Variants in THRB observed in about 807,000 individuals in gnomAD.
THRB encodes the protein thyroid hormone receptor beta, also known as nuclear receptor subfamily 1 group A member 2.
A neutral mutation model predicts 47.8 loss-of-function variants in THRB; 12 were observed. The observed-to-expected ratio is 0.25, with a 90% CI of 0.16 to 0.41. The LOEUF is 0.41. Among genes scored for constraint, THRB ranks in the 10% least tolerant of loss-of-function variants. The probability of loss-of-function intolerance (pLI) is 1.00; values close to 1 mark genes in which losing one functional copy is unlikely to be tolerated. For missense variants in THRB, 348 were observed against 589.2 expected (o/e 0.59, Z 4.24); for synonymous variants, 218 against 212.2 (o/e 1.03, Z -0.24).
chr3:24,207,344 C>T (rs184433055), intron 4 of THRB, among the ~76,000 whole-genome samples: 26 of 152,210 alleles, frequency 1.7e-4, no homozygotes, highest in Middle Eastern at 3.4e-3. Context: ...GTTCAACTTA[C>T]GCAAATCAAT....
At chr3:24,385,355 C>T (rs1404208685) in intron 1 of THRB, among the ~76,000 whole-genome samples, 3 of 151,844 alleles carry the variant, frequency 2.0e-5, no homozygotes, top group Admixed American at 1.3e-4. Flanking sequence ...TAAAGGAGCA[C>T]CAAAATTATT....
chr3:24,451,508 T>C (rs537072825), intron 1 of THRB, among the ~76,000 whole-genome samples: 1 of 152,198 alleles, frequency 6.6e-6, no homozygotes, highest in Non-Finnish European at 1.5e-5. Flanking sequence ...GTTCTGGGAT[T>C]ACAGGCGTGA....
chr3:24,171,126 T>A (rs1461388564), intron 5 of THRB, among the ~76,000 whole-genome samples: 1 of 152,196 alleles, frequency 6.6e-6, no homozygotes, highest in African/African-American at 2.4e-5. Context: ...AAGTAACTAC[T>A]CAAATTGAGG....
intron 1 of THRB, among the ~76,000 whole-genome samples, chr3:24,470,509 A>G (rs1205313795): frequency 1.3e-5 from 2 of 152,234 alleles, no homozygotes; most frequent in Admixed American, 1.3e-4. Flanking sequence ...TAACATACGT[A>G]AAGTACTTGG....
chr3:24,214,432 A>C (rs1216437015), intron 4 of THRB, among the ~76,000 whole-genome samples: 1 of 152,268 alleles, frequency 6.6e-6, no homozygotes, highest in East Asian at 1.9e-4. Context: ...AAAAATAGGC[A>C]GGCTATCAAA....
chr3:24,269,435 ACACACACTT>A (rs1304512543), intron 3 of THRB, among the ~76,000 whole-genome samples: 1 of 146,240 alleles, frequency 6.8e-6, no homozygotes, highest in African/African-American at 2.7e-5. Flanking sequence ...ACACACACAC[ACACACACTT>A]AAGTTATCTT....
At chr3:24,447,327 G>T (rs1428234863) in intron 1 of THRB, among the ~76,000 whole-genome samples, 4 of 152,048 alleles carry the variant, frequency 2.6e-5, no homozygotes, top group African/African-American at 9.7e-5. Context: ...GATGAACTAG[G>T]CTTAGCCATT....
chr3:24,205,802 G>A (rs1211917054), intron 4 of THRB, among the ~76,000 whole-genome samples: 1 of 152,144 alleles, frequency 6.6e-6, no homozygotes, highest in Non-Finnish European at 1.5e-5. Flanking sequence ...AGGGATGGAG[G>A]AAGATCTACC....
At chr3:24,218,443 G>A (rs571457485) in intron 4 of THRB, among the ~76,000 whole-genome samples, 1 of 149,328 alleles carries the variant, frequency 6.7e-6, no homozygotes, top group African/African-American at 2.5e-5. Flanking sequence ...TGACACTAGT[G>A]AGAAGACATG....
At chr3:24,200,933 A>G (rs2044519657) in intron 4 of THRB, among the ~76,000 whole-genome samples, 1 of 152,182 alleles carries the variant, frequency 6.6e-6, no homozygotes, top group Admixed American at 6.5e-5. Context: ...AATGGGCCTT[A>G]GTGGTATGAC....
At chr3:24,223,369 T>C (rs958893) in intron 4 of THRB, among the ~76,000 whole-genome samples, 17,325 of 152,258 alleles carry the variant, frequency 0.11, 1,383 homozygotes, top group East Asian at 0.28. Context: ...AAAGAGCCCA[T>C]TGAGGTCTGT....
At chr3:24,155,355 C>T (rs2037653122) in intron 5 of THRB, among the ~76,000 whole-genome samples, 1 of 152,212 alleles carries the variant, frequency 6.6e-6, no homozygotes, top group African/African-American at 2.4e-5. Context: ...CAGCTACTTA[C>T]ATGATCATAC....
chr3:24,481,005 A>T (rs2125868919), intron 1 of THRB, among the ~76,000 whole-genome samples: 1 of 152,276 alleles, frequency 6.6e-6, no homozygotes, highest in East Asian at 1.9e-4. Flanking sequence ...TAAGGAAGTT[A>T]TTGCTGCCAT....
intron 6 of THRB, among the ~76,000 whole-genome samples, chr3:24,150,164 G>A (rs1041802019): frequency 3.3e-5 from 5 of 152,130 alleles, no homozygotes; most frequent in African/African-American, 1.2e-4. Flanking sequence ...CAACAGACAT[G>A]ACATCTCCAA....
chr3:24,190,585 T>C (rs897081299), intron 4 of THRB, among the ~76,000 whole-genome samples: 1 of 152,164 alleles, frequency 6.6e-6, no homozygotes, highest in African/African-American at 2.4e-5. Flanking sequence ...AGTTCCTGCA[T>C]GGCAAGGCTG....
chr3:24,484,893 G>T (rs1697061315), intron 1 of THRB, among the ~76,000 whole-genome samples: 1 of 152,276 alleles, frequency 6.6e-6, no homozygotes, highest in African/African-American at 2.4e-5. Context: ...TTAAAGCTCA[G>T]ATCAGCCAAG....
chr3:24,368,479 G>T (rs1269541830), intron 1 of THRB, among the ~76,000 whole-genome samples: 1 of 152,142 alleles, frequency 6.6e-6, no homozygotes, highest in Admixed American at 6.5e-5. Flanking sequence ...TAGATACAAA[G>T]CAAAGAAGAC....
intron 4 of THRB, among the ~76,000 whole-genome samples, chr3:24,226,039 A>T (rs751707496): frequency 7.2e-4 from 109 of 152,204 alleles, no homozygotes; most frequent in Non-Finnish European, 1.2e-3. Flanking sequence ...TAAATTTAAT[A>T]AGCATTGCGG....
intron 1 of THRB, among the ~76,000 whole-genome samples, chr3:24,478,148 T>C (rs1361711297): frequency 6.6e-6 from 1 of 152,156 alleles, no homozygotes; most frequent in African/African-American, 2.4e-5. Flanking sequence ...CTAGGAAATG[T>C]TGAGCCAGTC....
Sources: allele counts gnomAD v4.1 joint callset (sites outside exome capture counted in the v4.1 genomes callset), GRCh38; gene constraint gnomAD v4.1.1; transcripts MANE v1.5; gene names NCBI Gene and HGNC (gene_info 2026-07-23, HGNC 2026-07-21).